DCC: variants seen among roughly 807,000 people sequenced by gnomAD.
The protein encoded by DCC is netrin receptor DCC.
A neutral mutation model predicts 172.5 loss-of-function variants in DCC; 58 were observed. That is an observed-to-expected ratio of 0.34 (90% confidence interval 0.27 to 0.42). DCC has a LOEUF of 0.42. DCC is among the 10% of genes least tolerant of loss of function. The probability of loss-of-function intolerance (pLI) is 1.00; values close to 1 mark genes in which losing one functional copy is unlikely to be tolerated. For missense variants in DCC, 1,740 were observed against 1,791.0 expected, an observed-to-expected ratio of 0.97 and a Z score of 0.51; for synonymous variants, 709 against 644.5, an observed-to-expected ratio of 1.10 and a Z score of -1.52.
At chr18:52,353,750 GT>G (rs1453366960) in intron 1 of DCC, among the ~76,000 whole-genome samples, 2 of 152,170 alleles carry the variant, frequency 1.3e-5, no homozygotes, top group Non-Finnish European at 2.9e-5. Context: ...AGAACATGGG[GT>G]CTCAGCTGCG....
intron 8 of DCC, among the ~76,000 whole-genome samples, chr18:53,171,300 T>C (rs1044659536): frequency 2.6e-5 from 4 of 152,132 alleles, no homozygotes; most frequent in African/African-American, 7.2e-5. Flanking sequence ...CGAGCCCACA[T>C]TGTGGAAACC....
chr18:52,378,270 C>T lies in DCC; in HGVS notation c.91+37392C>T, dbSNP rs1487223780. Among the ~76,000 whole-genome samples the T allele has an allele frequency of 3.3e-5, 5 of 151,302 alleles. No individual in the cohort carries two copies. In the East Asian group the frequency reaches 7.8e-4, roughly 24 times the overall value. Reference sequence around the variant, plus strand: ...TGAATTTGGTTAGAAACTGAGAACACTACAAAGCAGGCATCTAACTAATAG... The same window carrying T: ...TGAATTTGGTTAGAAACTGAGAACATTACAAAGCAGGCATCTAACTAATAG... On this transcript the variant is annotated intron_variant, in intron 1 of 28. Transcript: ENST00000442544.
chr18:53,395,347 C>T (rs1362132222), intron 17 of DCC, among the ~76,000 whole-genome samples: 3 of 152,132 alleles, frequency 2.0e-5, no homozygotes, highest in South Asian at 2.1e-4. Context: ...AACACAAAGA[C>T]GATCTTACTT....
chr18:53,046,220 T>C (rs2042235777), intron 5 of DCC, among the ~76,000 whole-genome samples: 1 of 151,990 alleles, frequency 6.6e-6, no homozygotes, highest in Non-Finnish European at 1.5e-5. Flanking sequence ...AGAAATACTG[T>C]CATTTCTCAA....
intron 2 of DCC, among the ~76,000 whole-genome samples, chr18:52,809,116 G>T (rs2038145356): frequency 6.6e-6 from 1 of 152,288 alleles, no homozygotes; most frequent in African/African-American, 2.4e-5. Context: ...GGTGCAGCAG[G>T]GATCCAGAAG....
At chr18:53,055,078 G>A (rs540115747) in intron 5 of DCC, among the ~76,000 whole-genome samples, 13 of 152,144 alleles carry the variant, frequency 8.5e-5, no homozygotes, top group African/African-American at 2.2e-4. Context: ...GGGATTTGCC[G>A]TTGAGGACTG....
chr18:52,963,536 G>T (rs945822579), intron 5 of DCC, among the ~76,000 whole-genome samples: 1 of 152,132 alleles, frequency 6.6e-6, no homozygotes, highest in Non-Finnish European at 1.5e-5. Flanking sequence ...GAAGTGGTCA[G>T]GTCTGGGGCA....
intron 12 of DCC, among the ~76,000 whole-genome samples, chr18:53,290,987 T>G (rs1025636856): frequency 6.6e-6 from 1 of 151,986 alleles, no homozygotes; most frequent in Admixed American, 6.6e-5. Flanking sequence ...GCCAACACGG[T>G]GAAACCCCTG....
intron 2 of DCC, among the ~76,000 whole-genome samples, chr18:52,891,755 T>C (rs2039653720): frequency 6.6e-6 from 1 of 152,110 alleles, no homozygotes; most frequent in Non-Finnish European, 1.5e-5. Flanking sequence ...ATAGGTTCTG[T>C]TCATTATACA....
intron 1 of DCC, among the ~76,000 whole-genome samples, chr18:52,523,493 T>C (rs1055467419): frequency 5.9e-5 from 9 of 152,318 alleles, no homozygotes; most frequent in African/African-American, 1.7e-4. Flanking sequence ...AAATTGTTTA[T>C]TTTAGAAAAA....
At chr18:52,482,068 C>T (rs2029985365) in intron 1 of DCC, among the ~76,000 whole-genome samples, 1 of 151,946 alleles carries the variant, frequency 6.6e-6, no homozygotes, top group African/African-American at 2.4e-5. Flanking sequence ...TTTGCTCATT[C>T]CCCACTTTTG....
intron 1 of DCC, among the ~76,000 whole-genome samples, chr18:52,655,160 T>C (rs977940009): frequency 6.6e-6 from 1 of 152,072 alleles, no homozygotes; most frequent in Non-Finnish European, 1.5e-5. Flanking sequence ...GGGAACAACA[T>C]AGACCCAGCA....
chr18:53,396,179 G>A (rs1599103891), intron 17 of DCC, among the ~76,000 whole-genome samples: 2 of 152,026 alleles, frequency 1.3e-5, no homozygotes, highest in Non-Finnish European at 2.9e-5. Context: ...GGGGAAAAGA[G>A]CTTTTCTTAA....
At chr18:52,753,750 C>T (rs983880677) in intron 2 of DCC, among the ~76,000 whole-genome samples, 1 of 152,128 alleles carries the variant, frequency 6.6e-6, no homozygotes, top group African/African-American at 2.4e-5. Context: ...ACTGACCATT[C>T]TGGAACCCAT....
intron 27 of DCC, among the ~76,000 whole-genome samples, chr18:53,502,046 CCATTCTCTGATCT>C (rs2046107467): frequency 1.3e-5 from 2 of 152,148 alleles, no homozygotes; most frequent in South Asian, 4.1e-4. Flanking sequence ...AGCCAAAGAA[CCATTCTCTGATCT>C]AATGGCAACA....
At chr18:53,350,077 A>G (rs2057771968) in intron 15 of DCC, among the ~76,000 whole-genome samples, 1 of 152,186 alleles carries the variant, frequency 6.6e-6, no homozygotes, top group Non-Finnish European at 1.5e-5. Flanking sequence ...GAGAATCAGA[A>G]AAAAAACAGA....
intron 12 of DCC, among the ~76,000 whole-genome samples, chr18:53,220,171 C>A (rs2055910582): frequency 6.6e-6 from 1 of 152,028 alleles, no homozygotes; most frequent in African/African-American, 2.4e-5. Flanking sequence ...ATTGCAGATC[C>A]TCTGTGTCTG....
intron 1 of DCC, among the ~76,000 whole-genome samples, chr18:52,682,325 C>A (rs553655626): frequency 6.6e-6 from 1 of 151,976 alleles, no homozygotes; most frequent in African/African-American, 2.4e-5. Flanking sequence ...AGAGCAACAA[C>A]GAGAAAAATA....
intron 1 of DCC, among the ~76,000 whole-genome samples, chr18:52,389,069 G>T (rs1985930057): frequency 6.6e-6 from 1 of 152,048 alleles, no homozygotes; most frequent in African/African-American, 2.4e-5. Flanking sequence ...CACCCTCCCT[G>T]GAACTGCTCA....
Sources: gnomAD v4.1 joint callset for allele counts (sites outside exome capture counted in the v4.1 genomes callset) on GRCh38, gnomAD v4.1.1 for gene constraint, MANE v1.5 for transcripts, NCBI Gene and HGNC (gene_info 2026-07-23, HGNC 2026-07-21) for gene names.